ZMYM1: variants seen among roughly 807,000 people sequenced by gnomAD.
ZMYM1 encodes zinc finger MYM-type protein 1.
Under a neutral mutation model 60.0 loss-of-function variants are expected in ZMYM1, and 39 were observed. The ratio of observed to expected loss-of-function variants is 0.65; its 90% CI spans 0.50 to 0.85. The LOEUF is 0.85. ZMYM1 is among the 40% of genes least tolerant of loss of function. ZMYM1 has a pLI of 0.00. For synonymous variants in ZMYM1, 413 were observed against 454.0 expected, an observed-to-expected ratio of 0.91 and a Z score of 1.15; for missense variants, 1,171 against 1,309.5, an observed-to-expected ratio of 0.89 and a Z score of 1.63.
intron 1 of ZMYM1, among the ~76,000 whole-genome samples, chr1:35,083,318 T>G (rs1262454812): frequency 6.6e-6 from 1 of 152,048 alleles, no homozygotes; most frequent in Non-Finnish European, 1.5e-5. Flanking sequence ...ACCCAGCTAA[T>G]CTTTTAATTG....
In ZMYM1 at chr1:35,113,776, A is replaced by C; in HGVS notation, c.1946A>C (p.Glu649Ala). ...DSSAFSIICD[E>A]TINSAMKEQL... ...TCAGCATTTTCAATCATATGTGATG[A>C]GACAATCAATAGTGCCATGAAAGAA... Residue 649 changes from glutamate (E) to alanine (A), a missense_variant, in exon 10 of 10, where the codon GAG (glutamate) becomes GCG (alanine). Transcript: ENST00000359858. The C allele has an allele frequency of 6.2e-7, 1 of 1,613,974 alleles. No individual in the cohort carries two copies. Among genetic ancestry groups the C allele is most frequent in the South Asian group, 1.1e-5 (1 of 91,076 alleles).
chr1:35,101,142 C>T (rs140851728), intron 4 of ZMYM1, among the ~76,000 whole-genome samples: 164 of 148,792 alleles, frequency 1.1e-3, no homozygotes, highest in African/African-American at 4.0e-3. Context: ...GGAGTCTCAC[C>T]GTTTTGCCCA....
At chr1:35,063,179 T>G (rs1641906696) in intron 1 of ZMYM1, among the ~76,000 whole-genome samples, 1 of 151,214 alleles carries the variant, frequency 6.6e-6, no homozygotes, top group South Asian at 2.1e-4. Flanking sequence ...CAGGTTGGAG[T>G]GCAGTGGTGC....
intron 1 of ZMYM1, among the ~76,000 whole-genome samples, chr1:35,079,948 C>T (rs575676781): frequency 6.6e-6 from 1 of 152,168 alleles, no homozygotes; most frequent in Non-Finnish European, 1.5e-5. Flanking sequence ...CCCGTCTCTA[C>T]TAAAAGTACA....
chr1:35,070,074 G>T lies in ZMYM1; in HGVS notation c.-300-8920G>T, dbSNP rs186963798. ...AGGATTGCTTTAGCAATTTGGAGTT[G>T]TTTGTGGTTCCATTTGAATTTTTAG... On this transcript the variant is annotated intron_variant, in intron 1 of 10. Transcript: ENST00000417119. Among the ~76,000 whole-genome samples, 112 of 152,218 alleles carry T rather than the reference G, an allele frequency of 7.4e-4. 1 individual carries two copies. Among genetic ancestry groups the T allele is most frequent in the African/African-American group, 2.6e-3 (106 of 41,538 alleles).
chr1:35,081,594 TAATA>T (rs1305237993), intron 1 of ZMYM1, among the ~76,000 whole-genome samples: 1 of 152,236 alleles, frequency 6.6e-6, no homozygotes, highest in African/African-American at 2.4e-5. Flanking sequence ...TAGAGTTCTT[TAATA>T]GCTTTCATTA....
At chr1:35,108,722 T>TA (rs1553145217) in intron 6 of ZMYM1, among the ~76,000 whole-genome samples, 3 of 149,178 alleles carry the variant, frequency 2.0e-5, no homozygotes, top group African/African-American at 7.6e-5. Flanking sequence ...TTTTTTTTTT[T>TA]TAGACTGAGT....
upstream of ZMYM1, among the ~76,000 whole-genome samples, chr1:35,074,547 T>A (rs1441449243): frequency 2.0e-5 from 3 of 151,982 alleles, no homozygotes. Flanking sequence ...TAGCTGGGAT[T>A]ACAGGCACAC....
chr1:35,104,310 A>G lies in ZMYM1; in HGVS notation c.435A>G (p.Pro145=), dbSNP rs1643807693. The G allele has an allele frequency of 6.3e-7, 1 of 1,584,824 alleles. No individual in the cohort carries two copies. Among genetic ancestry groups the G allele is most frequent in the South Asian group, 1.1e-5 (1 of 87,574 alleles). Residue 145 remains proline (P), a synonymous_variant, in exon 5 of 10, where the codon CCA becomes CCG. Coordinates refer to ENST00000359858, the MANE Select transcript of ZMYM1 (RefSeq NM_024772.5). ...TTATTCTTAGAGACATTTTAAATCC[A>G]AAGGATGTGATTAGTGTCCAGCTGG... The part of the protein sequence containing the change: ...CSNCSKDILN[P]KDVISVQLED...
rs896237864 is a variant in ZMYM1 at position 35,114,813 on chromosome 1, T to G, written c.2983T>G (p.Ser995Ala). 3.7e-6 allele frequency: 6 copies of G among 1,606,080 alleles called. No homozygotes were observed. The highest frequency in any genetic ancestry group is 5.1e-6 in the Non-Finnish European group (6 of 1,176,852). Reference sequence around the variant, plus strand: ...TGATTATTGCAAAATAAAGCAAATTTCAGAACTGTTATTTAAATGGAATGA... The same window carrying G: ...TGATTATTGCAAAATAAAGCAAATTGCAGAACTGTTATTTAAATGGAATGA... ...EFDYCKIKQI[S>A]ELLFKWNEPL... is the part of the protein sequence containing the mutation. The change falls in exon 10 of 10, where the codon TCA becomes GCA. Residue 995 changes from serine (S) to alanine (A), a missense_variant. Transcript: ENST00000359858.
upstream of ZMYM1, among the ~76,000 whole-genome samples, chr1:35,075,462 T>A (rs1439238380): frequency 1.3e-5 from 2 of 151,998 alleles, no homozygotes; most frequent in Admixed American, 6.6e-5. Context: ...TCCACTCACA[T>A]AAAGGAAGCC....
Position 35,114,921 on chromosome 1 carries a change from C to T in ZMYM1, c.3091C>T (p.Arg1031Ter). The change falls in exon 10 of 10, where the codon CGA (arginine) becomes TGA (stop). Residue 1031 changes from arginine (R) to a stop codon, truncating the protein, a stop_gained. Coordinates refer to ENST00000359858, the MANE Select transcript of ZMYM1 (RefSeq NM_024772.5). LOFTEE classifies it low-confidence loss of function (END_TRUNC). ...EDIIPELRFY[R>*]HYAKLNFVID... The stretch of plus-strand genomic sequence containing the variant: ...CATTATCCCAGAACTTAGATTTTAT[C>T]GACATTATGCAAAGCTTAACTTTGT... 3 of 1,612,440 alleles carry T rather than the reference C, an allele frequency of 1.9e-6. No homozygotes were observed. The highest frequency in any genetic ancestry group is 2.5e-6 in the Non-Finnish European group (3 of 1,178,722).
At position 35,079,400 on chromosome 1, in the gene ZMYM1, A is replaced by G. The variant is rs916700735; in HGVS notation, c.-117A>G. 2.6e-5 allele frequency: 3 copies of G among 116,466 alleles called. No homozygotes were observed. The highest frequency in any genetic ancestry group is 2.6e-4 in the East Asian group (1 of 3,872). 7.2% of individuals were successfully genotyped at this position (116,466 alleles called of 1,614,324 possible). ...TCGGCGGGGCCGTTTCGCTTCGAAG[A>G]TTGTTTCAGAAGCGTTGGGCGGGGC... On this transcript the variant is annotated 5_prime_UTR_variant, in exon 1 of 10. Transcript: ENST00000359858.
intron 7 of ZMYM1, 29 bp downstream of exon 7, chr1:35,110,476 TTAG>T: frequency 7.4e-7 from 1 of 1,347,576 alleles, no homozygotes; most frequent in Non-Finnish European, 9.7e-7. Flanking sequence ...TTGTAGGGGT[TTAG>T]TAATTATTAA....
chr1:35,087,211 C>T (rs182536471), intron 1 of ZMYM1, among the ~76,000 whole-genome samples: 4 of 150,202 alleles, frequency 2.7e-5, no homozygotes, highest in Non-Finnish European at 5.9e-5. Flanking sequence ...AGGCTAGTCT[C>T]GAACTCCTGA....
chr1:35,064,277 G>A (rs1470249082), intron 1 of ZMYM1, among the ~76,000 whole-genome samples: 12 of 145,122 alleles, frequency 8.3e-5, no homozygotes, highest in Non-Finnish European at 1.5e-4. Context: ...TGGGAAACAC[G>A]GTGAGATCCT....
chr1:35,089,827 G>C (rs1395882224), intron 1 of ZMYM1, among the ~76,000 whole-genome samples: 1 of 133,878 alleles, frequency 7.5e-6, no homozygotes, highest in Non-Finnish European at 1.6e-5. Context: ...TTCACTGCAA[G>C]GTCTGCCTCC....
intron 4 of ZMYM1, among the ~76,000 whole-genome samples, chr1:35,103,278 C>T (rs1250485227): frequency 6.6e-6 from 1 of 152,152 alleles, no homozygotes; most frequent in Admixed American, 6.6e-5. Context: ...CCCCCCAGTG[C>T]CTGTCAACCA....
chr1:35,063,529 C>T (rs113647432), intron 1 of ZMYM1, among the ~76,000 whole-genome samples: 5,110 of 152,052 alleles, frequency 0.034, 303 homozygotes, highest in African/African-American at 0.12. Context: ...TCTAGAACTC[C>T]TGGCCTCAAG....
Sources: allele counts gnomAD v4.1 joint callset (sites outside exome capture counted in the v4.1 genomes callset), GRCh38; gene constraint gnomAD v4.1.1; transcripts MANE v1.5; gene names NCBI Gene and HGNC (gene_info 2026-07-23, HGNC 2026-07-21).